Variants in GREB1L observed in about 807,000 individuals in gnomAD.
The protein encoded by GREB1L is GREB1-like protein.
In GREB1L, 17 loss-of-function variants were observed where a neutral mutation model predicts 200.8. That is an observed-to-expected ratio of 0.08 (90% confidence interval 0.06 to 0.13). The LOEUF (loss-of-function observed/expected upper bound fraction) is 0.13, where lower values mean the gene tolerates loss of function less well. Ranked by LOEUF, GREB1L falls within the 10% of genes least tolerant of loss-of-function variation. GREB1L has a pLI of 1.00. For synonymous variants in GREB1L, 789 were observed against 893.0 expected (o/e 0.88, Z 2.08); for missense variants, 1,657 against 2,367.7 (o/e 0.70, Z 6.23).
Position 21,500,621 on chromosome 18 carries a change from G to A in GREB1L, c.4051G>A (p.Asp1351Asn), listed in dbSNP as rs1245835550. 1 of 1,550,154 alleles carries A rather than the reference G, an allele frequency of 6.5e-7. No individual in the cohort carries two copies. Among genetic ancestry groups the A allele is most frequent in the African/African-American group, 1.4e-5 (1 of 72,946 alleles). The change falls in exon 23 of 33, where the codon GAT (aspartate) becomes AAT (asparagine). Residue 1351 changes from aspartate (D) to asparagine (N), a missense_variant. By Grantham distance (23) the Asp-to-Asn change is conservative. This residue lies in a region of GREB1L where 512 missense variants were observed against 668.3 expected (regional missense o/e 0.77). Coordinates refer to ENST00000424526, the MANE Select transcript of GREB1L (RefSeq NM_001142966.3). Reference sequence around the variant, plus strand: ...CAGGCTCCTGGAGGTGGACGTGTATGATGAGGAGGAGATCAACACCGGTGA... The same window carrying A: ...CAGGCTCCTGGAGGTGGACGTGTATAATGAGGAGGAGATCAACACCGGTGA... ...LIRLLEVDVY[D>N]EEEINTDHNE...
At chr18:21,273,227 CA>C (rs1427555332) in intron 1 of GREB1L, among the ~76,000 whole-genome samples, 5 of 150,568 alleles carry the variant, frequency 3.3e-5, no homozygotes, top group Admixed American at 3.3e-4. Flanking sequence ...GACTCCATCT[CA>C]AAAAAAACAA....
chr18:21,525,841 T>TTAA lies in GREB1L; in HGVS notation c.*3024_*3026dup, dbSNP rs550785401. 4.0e-5 allele frequency among the ~76,000 whole-genome samples: 6 copies of TTAA among 149,384 alleles called. No homozygotes were observed. The South Asian group carries it at 1.3e-3, about 32-fold the overall frequency. On this transcript the variant is annotated 3_prime_UTR_variant, in exon 33 of 33. Transcript: ENST00000424526. Reference sequence around the variant, plus strand: ...TCCCAGAAAAATGGCTTTCAATCTATTAATAAAGTGTAGTAAATTAAAAGA... The same window carrying TTAA: ...TCCCAGAAAAATGGCTTTCAATCTATTAATAATAAAGTGTAGTAAATTAAAAGA...
rs1033196789 is a variant in GREB1L at position 21,500,241 on chromosome 18, C to A, written c.3904C>A (p.Leu1302Met). Residue 1302 changes from leucine (L) to methionine (M), a missense_variant, in exon 22 of 33, where the codon CTG (leucine) becomes ATG (methionine). This residue lies in a region of GREB1L where 512 missense variants were observed against 668.3 expected (regional missense o/e 0.77). Coordinates refer to ENST00000424526, the MANE Select transcript of GREB1L (RefSeq NM_001142966.3). The part of the protein sequence containing the change: ...RQHHADYSNQ[L>M]DPASGTRNFH... Reference sequence around the variant, plus strand: ...GCACCACGCTGACTATAGCAACCAGCTGGACCCGGCCTCTGGCACCCGAAA... The same window carrying A: ...GCACCACGCTGACTATAGCAACCAGATGGACCCGGCCTCTGGCACCCGAAA... The A allele has an allele frequency of 2.0e-6, 3 of 1,517,746 alleles. No homozygotes were observed. In the African/African-American group the frequency reaches 4.1e-5, roughly 21 times the overall value. The allele number at this position is 1,517,746 out of a possible 1,614,324, so 94.0% of individuals were successfully genotyped here. A position where few individuals can be genotyped will look rare whatever the true frequency, so the allele number is the denominator to read the frequency against.
chr18:21,443,352 G>A (rs2034018865), intron 10 of GREB1L, among the ~76,000 whole-genome samples: 1 of 152,026 alleles, frequency 6.6e-6, no homozygotes, highest in Admixed American at 6.5e-5. Context: ...CACCATGCCT[G>A]GCTAATTTTT....
chr18:21,424,761 A>G (rs2032429548), intron 7 of GREB1L, among the ~76,000 whole-genome samples: 1 of 152,236 alleles, frequency 6.6e-6, no homozygotes, highest in Non-Finnish European at 1.5e-5. Flanking sequence ...AGTAAATTTC[A>G]GAACATTTTC....
intron 1 of GREB1L, among the ~76,000 whole-genome samples, chr18:21,292,644 T>C (rs2038468594): frequency 6.6e-6 from 1 of 152,238 alleles, no homozygotes; most frequent in Non-Finnish European, 1.5e-5. Flanking sequence ...TCACTTAGCC[T>C]GATGTTTTCA....
At chr18:21,409,466 C>T (rs748797837) in intron 7 of GREB1L, among the ~76,000 whole-genome samples, 19 of 152,114 alleles carry the variant, frequency 1.2e-4, no homozygotes, top group Non-Finnish European at 2.6e-4. Flanking sequence ...GGTTACACAA[C>T]TTGGTAAGGC....
intron 1 of GREB1L, among the ~76,000 whole-genome samples, chr18:21,346,164 C>G (rs1038863491): frequency 6.6e-6 from 1 of 152,132 alleles, no homozygotes; most frequent in South Asian, 2.1e-4. Context: ...AATTACTTCG[C>G]CGTGTCATCA....
chr18:21,382,322 C>G (rs2040350489), intron 2 of GREB1L, among the ~76,000 whole-genome samples: 1 of 151,798 alleles, frequency 6.6e-6, no homozygotes, highest in East Asian at 2.0e-4. Flanking sequence ...GCCTGGGTAA[C>G]AGAGTAAGTG....
At chr18:21,280,074 CTT>C (rs1213782690) in intron 1 of GREB1L, among the ~76,000 whole-genome samples, 3 of 152,172 alleles carry the variant, frequency 2.0e-5, no homozygotes, top group Non-Finnish European at 4.4e-5. Context: ...AGGGTTCACT[CTT>C]TGTGTTGTAC....
intron 15 of GREB1L, among the ~76,000 whole-genome samples, chr18:21,461,657 C>A (rs1378249785): frequency 6.6e-6 from 1 of 152,112 alleles, no homozygotes; most frequent in Admixed American, 6.6e-5. Context: ...TGTGTGTGTG[C>A]GTGGTGCTCA....
intron 1 of GREB1L, among the ~76,000 whole-genome samples, chr18:21,325,813 C>CA (rs60239796): frequency 0.025 from 1,021 of 41,528 alleles, 75 homozygotes; most frequent in Non-Finnish European, 0.043. Flanking sequence ...GACCTTGTCT[C>CA]AAAAAAAAAA....
intron 11 of GREB1L, among the ~76,000 whole-genome samples, chr18:21,447,289 T>TA (rs2034275873): frequency 6.6e-6 from 1 of 151,844 alleles, no homozygotes; most frequent in Admixed American, 6.6e-5. Flanking sequence ...TGTCTCTAAT[T>TA]AAAAAAATTT....
intron 1 of GREB1L, among the ~76,000 whole-genome samples, chr18:21,268,960 G>A (rs935229103): frequency 3.3e-5 from 5 of 152,124 alleles, no homozygotes; most frequent in East Asian, 1.9e-4. Context: ...GAAGATCTCC[G>A]TACAAGTTGT....
At chr18:21,461,796 A>G (rs1251257170) in intron 15 of GREB1L, among the ~76,000 whole-genome samples, 1 of 152,234 alleles carries the variant, frequency 6.6e-6, no homozygotes, top group African/African-American at 2.4e-5. Flanking sequence ...TATTTGCTGA[A>G]CAAATATTCA....
At chr18:21,355,373 A>G (rs139790699) in intron 1 of GREB1L, among the ~76,000 whole-genome samples, 46 of 151,770 alleles carry the variant, frequency 3.0e-4, no homozygotes, top group African/African-American at 1.1e-3. Context: ...TTTGTATTTT[A>G]AGTAGAGATG....
chr18:21,375,750 C>G (rs748082371), intron 2 of GREB1L, among the ~76,000 whole-genome samples: 6 of 152,164 alleles, frequency 3.9e-5, no homozygotes, highest in Non-Finnish European at 7.3e-5. Flanking sequence ...CTTAACTTCT[C>G]TAAGCCTCAG....
At chr18:21,468,288 A>C (rs1228469900) in intron 15 of GREB1L, among the ~76,000 whole-genome samples, 1 of 152,232 alleles carries the variant, frequency 6.6e-6, no homozygotes, top group East Asian at 1.9e-4. Flanking sequence ...CAATCACACA[A>C]GATTGCATCT....
At chr18:21,499,696 G>T in intron 21 of GREB1L, 33 bp from the exon 22 acceptor site, 1 of 1,459,090 alleles carries the variant, frequency 6.9e-7, no homozygotes, top group African/African-American at 1.4e-5. Flanking sequence ...TAACAGAGCT[G>T]CTGTGGGGTG....
Sources: allele counts gnomAD v4.1 joint callset (sites outside exome capture counted in the v4.1 genomes callset), GRCh38; gene constraint gnomAD v4.1.1; regional missense constraint gnomAD v4.1.1; transcripts MANE v1.5; gene names NCBI Gene and HGNC (gene_info 2026-07-23, HGNC 2026-07-21).